Variants in SAMD5 observed in about 807,000 individuals in gnomAD.
The protein encoded by SAMD5 is sterile alpha motif domain-containing protein 5.
Under a neutral mutation model 11.3 loss-of-function variants are expected in SAMD5, and 13 were observed. That is an observed-to-expected ratio of 1.15 (90% confidence interval 0.75 to 1.83). The LOEUF is 1.83. Ranked by LOEUF, SAMD5 falls within the 40% of genes most tolerant of loss-of-function variation. SAMD5 has a pLI of 0.00. For missense variants in SAMD5, 255 were observed against 239.1 expected (o/e 1.07, Z -0.44); for synonymous variants, 129 against 111.3 (o/e 1.16, Z -1.00).
Position 147,704,668 on chromosome 6 carries a change from T to A in SAMD5, c.163-32649T>A, listed in dbSNP as rs368311753. ...CTTGGAAGAAAGATAACCAGATCCC[T>A]TTAAGGTTGACAAAAATAAGGATGG... On this transcript the variant is annotated intron_variant, in intron 1 of 1. Coordinates refer to the SAMD5 transcript ENST00000566741. Among the ~76,000 whole-genome samples, 4 of 152,308 alleles carry A rather than the reference T, an allele frequency of 2.6e-5. 1 individual carries two copies. Among genetic ancestry groups the A allele is most frequent in the African/African-American group, 2.4e-5 (1 of 41,570 alleles).
intron 1 of SAMD5, among the ~76,000 whole-genome samples, chr6:147,583,410 T>G (rs1375823878): frequency 6.6e-6 from 1 of 152,234 alleles, no homozygotes; most frequent in Admixed American, 6.5e-5. Flanking sequence ...TAATTTTTAT[T>G]ATTTAAAACG....
intron 1 of SAMD5, among the ~76,000 whole-genome samples, chr6:147,723,621 C>T (rs3908264): frequency 0.16 from 23,597 of 151,840 alleles, 2,717 homozygotes; most frequent in African/African-American, 0.32. Flanking sequence ...GAATCCTCCT[C>T]ATGTCTGGGG....
At chr6:147,751,340 T>A in the SAMD5 span, among the ~76,000 whole-genome samples, 1 of 152,326 alleles carries the variant, frequency 6.6e-6, no homozygotes, top group East Asian at 1.9e-4. Flanking sequence ...AGTGTTTTTT[T>A]TTCCATCTGT....
intron 1 of SAMD5, among the ~76,000 whole-genome samples, chr6:147,657,427 A>C (rs949048403): frequency 4.6e-5 from 7 of 152,176 alleles, no homozygotes; most frequent in African/African-American, 1.7e-4. Context: ...TATGTAACCT[A>C]CTTTCTAATA....
chr6:147,534,928 C>T (rs1373195066), intron 1 of SAMD5, among the ~76,000 whole-genome samples: 2 of 152,130 alleles, frequency 1.3e-5, no homozygotes, highest in African/African-American at 2.4e-5. Flanking sequence ...TTGTTTAAAC[C>T]ATAAACTATA....
At chr6:147,517,679 C>A (rs1788192831) in intron 1 of SAMD5, among the ~76,000 whole-genome samples, 1 of 152,138 alleles carries the variant, frequency 6.6e-6, no homozygotes, top group African/African-American at 2.4e-5. Context: ...TTTCTTAGAA[C>A]ATTTCTAGAA....
At chr6:147,529,156 T>C (rs1788388994) in intron 1 of SAMD5, among the ~76,000 whole-genome samples, 1 of 152,228 alleles carries the variant, frequency 6.6e-6, no homozygotes, top group Non-Finnish European at 1.5e-5. Context: ...TGTTAGCTTT[T>C]ATTAAAGATG....
At chr6:147,900,905 A>G in the SAMD5 span, among the ~76,000 whole-genome samples, 2 of 152,232 alleles carry the variant, frequency 1.3e-5, no homozygotes, top group Admixed American at 6.5e-5. Flanking sequence ...ACAAAAAGAT[A>G]GGGATTTTTT....
chr6:147,711,141 T>C lies in SAMD5; in HGVS notation c.163-26176T>C, dbSNP rs1791392158. Among the ~76,000 whole-genome samples, 1 of 152,150 alleles carries C rather than the reference T, an allele frequency of 6.6e-6. No homozygotes were observed. The highest frequency in any genetic ancestry group is 1.5e-5 in the Non-Finnish European group (1 of 68,014). On this transcript the variant is annotated intron_variant, in intron 1 of 1. Coordinates refer to the SAMD5 transcript ENST00000566741. The surrounding 1 kb of genome is among the most constrained non-coding windows in gnomAD (Gnocchi z 4.1). ...GTGTTGTAGAGAGAAGGAATTGGTATTAATGGAGAACTTATTATTTATCCT... is the reference window on the plus strand; with the variant it reads ...GTGTTGTAGAGAGAAGGAATTGGTACTAATGGAGAACTTATTATTTATCCT...
intron 1 of SAMD5, among the ~76,000 whole-genome samples, chr6:147,613,466 A>G (rs73787314): frequency 0.091 from 13,849 of 151,748 alleles, 1,258 homozygotes; most frequent in African/African-American, 0.22. Context: ...CTCTCCTCCT[A>G]ACAGTTCTCT....
intron 1 of SAMD5, among the ~76,000 whole-genome samples, chr6:147,659,960 C>T (rs569710245): frequency 1.3e-5 from 2 of 152,138 alleles, no homozygotes; most frequent in Admixed American, 1.3e-4. Flanking sequence ...AGGCCATTTT[C>T]TGTCTTCTCT....
At position 147,707,876 on chromosome 6, in the gene SAMD5, G is replaced by C. The variant is rs543665013; in HGVS notation, c.163-29441G>C. On this transcript the variant is annotated intron_variant, in intron 1 of 1. Coordinates refer to the SAMD5 transcript ENST00000566741. ...TGATGAGGCTGGGGATGAGGGGGTT[G>C]AGATATGATATGGGGTGGGGTTAAG... 1.3e-4 allele frequency among the ~76,000 whole-genome samples: 20 copies of C among 152,258 alleles called. No homozygotes were observed. The East Asian group carries it at 2.9e-3, about 22-fold the overall frequency.
At chr6:147,857,123 C>T in the SAMD5 span, among the ~76,000 whole-genome samples, 1 of 151,734 alleles carries the variant, frequency 6.6e-6, no homozygotes, top group East Asian at 1.9e-4. Context: ...GAGAACAAGA[C>T]ACAGTTGGAA....
At chr6:147,705,075 C>G (rs1791307538) in intron 1 of SAMD5, among the ~76,000 whole-genome samples, 1 of 152,180 alleles carries the variant, frequency 6.6e-6, no homozygotes, top group African/African-American at 2.4e-5. Context: ...CCCACTAGAC[C>G]AGTAAGGTAG....
At chr6:147,809,442 C>T in the SAMD5 span, among the ~76,000 whole-genome samples, 1 of 151,794 alleles carries the variant, frequency 6.6e-6, no homozygotes, top group Non-Finnish European at 1.5e-5. Context: ...CTCCATGAAA[C>T]AGGCTTTCTA....
At chr6:147,643,970 T>C (rs1233576460) in intron 1 of SAMD5, among the ~76,000 whole-genome samples, 1 of 152,180 alleles carries the variant, frequency 6.6e-6, no homozygotes. Context: ...AGGTCCAAAG[T>C]AACTGGATTT....
At chr6:147,912,889 A>G in the SAMD5 span, among the ~76,000 whole-genome samples, 1 of 151,928 alleles carries the variant, frequency 6.6e-6, no homozygotes, top group Admixed American at 6.6e-5. Flanking sequence ...ACCTTTGCTT[A>G]TTTTACAAAA....
the SAMD5 span, among the ~76,000 whole-genome samples, chr6:147,754,366 GA>G: frequency 1.0e-5 from 1 of 97,460 alleles, no homozygotes; most frequent in African/African-American, 4.3e-5. Flanking sequence ...TTTTTTTTGA[GA>G]AATGTCTACT....
the SAMD5 span, among the ~76,000 whole-genome samples, chr6:147,817,829 C>T: frequency 6.6e-6 from 1 of 152,130 alleles, no homozygotes; most frequent in African/African-American, 2.4e-5. Context: ...TGTTTGGATC[C>T]TGTTTGTGTC....
Sources: allele counts gnomAD v4.1 joint callset (sites outside exome capture counted in the v4.1 genomes callset), GRCh38; gene constraint gnomAD v4.1.1; non-coding constraint Gnocchi (gnomAD v3.1); transcripts MANE v1.5; gene names NCBI Gene and HGNC (gene_info 2026-07-23, HGNC 2026-07-21).